Variants in CNEP1R1 observed in about 807,000 individuals in gnomAD.
The protein encoded by CNEP1R1 is nuclear envelope phosphatase-regulatory subunit 1.
A neutral mutation model predicts 22.7 loss-of-function variants in CNEP1R1; 10 were observed. The observed-to-expected ratio is 0.44, with a 90% confidence interval of 0.27 to 0.75. CNEP1R1 has a LOEUF of 0.75. Ranked by LOEUF, CNEP1R1 falls within the 30% of genes least tolerant of loss-of-function variation. CNEP1R1 has a pLI of 0.17. For synonymous variants in CNEP1R1, 53 were observed against 50.1 expected, an observed-to-expected ratio of 1.06 and a Z score of -0.25; for missense variants, 73 against 151.5, an observed-to-expected ratio of 0.48 and a Z score of 2.72.
rs1255444376 is a variant in CNEP1R1, at chr16:50,036,040, T to G, written c.*582T>G. 2 of 152,694 alleles carry G rather than the reference T, an allele frequency of 1.3e-5. No individual in the cohort carries two copies. The highest frequency in any genetic ancestry group is 1.3e-4 in the Admixed American group (2 of 15,270). 9.5% of individuals were successfully genotyped at this position (152,694 alleles called of 1,614,324 possible). A position where few individuals can be genotyped will look rare whatever the true frequency, so the allele number is the denominator to read the frequency against. ...AGATGTTTTGAGAGACACTTTTTGT[T>G]AAACCAGATATTGAACTCCAGCAAC... On this transcript the variant is annotated 3_prime_UTR_variant, in exon 6 of 6. Coordinates refer to ENST00000427478, the MANE Select transcript of CNEP1R1 (RefSeq NM_001281789.2).
chr16:50,026,821 G>A (rs556326098), intron 2 of CNEP1R1: 15 of 186,274 alleles, frequency 8.1e-5, no homozygotes, highest in Non-Finnish European at 1.3e-4. Context: ...CTAAAAATAC[G>A]AAATTAGCCG....
intron 2 of CNEP1R1, among the ~76,000 whole-genome samples, chr16:50,029,503 A>G (rs1410875296): frequency 1.3e-5 from 2 of 152,248 alleles, no homozygotes; most frequent in Non-Finnish European, 2.9e-5. Context: ...AGTTCTGACC[A>G]AATCATAAGA....
chr16:50,033,002 T>C (rs1297582319), intron 3 of CNEP1R1, among the ~76,000 whole-genome samples: 2 of 150,062 alleles, frequency 1.3e-5, no homozygotes, highest in Non-Finnish European at 3.0e-5. Context: ...TGAAACTCTG[T>C]CTCAAAAAAA....
At position 50,030,255 on chromosome 16, in the gene CNEP1R1, C is replaced by G. The variant is rs116235109; in HGVS notation, c.171+457C>G. Reference sequence around the variant, plus strand: ...AGTTCAAGACCAGCCTGGGCAATGTCATATAGCAAGACCCCATCTCTACAA... The same window carrying G: ...AGTTCAAGACCAGCCTGGGCAATGTGATATAGCAAGACCCCATCTCTACAA... On this transcript the variant is annotated intron_variant, in intron 3 of 5. Transcript: ENST00000427478. 3.4e-3 allele frequency among the ~76,000 whole-genome samples: 523 copies of G among 152,098 alleles called. 5 individuals are homozygous for G. Among genetic ancestry groups the G allele is most frequent in the African/African-American group, 0.012 (502 of 41,492 alleles).
intron 5 of CNEP1R1, 109 bp downstream of exon 5, chr16:50,034,265 AT>A: frequency 1.4e-6 from 1 of 693,804 alleles, no homozygotes; most frequent in Non-Finnish European, 2.6e-6. Context: ...TGTGGAATGA[AT>A]AGTGAGAATA....
At chr16:50,029,885 C>A in intron 3 of CNEP1R1, 87 bp downstream of exon 3, 1 of 757,010 alleles carries the variant, frequency 1.3e-6, no homozygotes. Flanking sequence ...TATTCAAACA[C>A]TACCTATTAA....
intron 1 of CNEP1R1, 28 bp downstream of exon 1, chr16:50,025,368 C>T (rs9934704): frequency 7.9e-5 from 114 of 1,434,474 alleles, no homozygotes; most frequent in Admixed American, 1.2e-4. Context: ...GGCCCGTCCC[C>T]CGTCTCCCCT....
chr16:50,029,600 G>A (rs1212981639), intron 2 of CNEP1R1, 125 bp from the exon 3 acceptor site: 1 of 538,636 alleles, frequency 1.9e-6, no homozygotes, highest in Non-Finnish European at 3.4e-6. Context: ...CCTGAGTCTA[G>A]TTAGTGCATT....
chr16:50,026,263 C>A, intron 1 of CNEP1R1, 133 bp from the exon 2 acceptor site: 1 of 635,646 alleles, frequency 1.6e-6, no homozygotes, highest in Non-Finnish European at 2.8e-6. Flanking sequence ...TGCAGTGATA[C>A]ATGGAAGTTA....
chr16:50,035,472 T>C lies in CNEP1R1; in HGVS notation c.*14T>C, dbSNP rs757827144. The stretch of plus-strand genomic sequence containing the variant: ...CATGTTCAATGACAATCTTCACTCA[T>C]TGTTATGGGACTTAAAATAGCCTTT... On this transcript the variant is annotated 3_prime_UTR_variant, in exon 6 of 6. Coordinates refer to ENST00000427478, the MANE Select transcript of CNEP1R1 (RefSeq NM_001281789.2). The C allele has an allele frequency of 1.2e-5, 19 of 1,566,364 alleles. No individual in the cohort carries two copies. Among genetic ancestry groups the C allele is most frequent in the Non-Finnish European group, 1.7e-5 (19 of 1,147,766 alleles).
intron 2 of CNEP1R1, among the ~76,000 whole-genome samples, chr16:50,027,247 C>T (rs930014921): frequency 6.6e-6 from 1 of 152,032 alleles, no homozygotes; most frequent in Non-Finnish European, 1.5e-5. Context: ...CGGTGGCTCA[C>T]GTCTGTAATC....
chr16:50,026,081 TGA>T (rs2036180353), intron 1 of CNEP1R1: 1 of 417,628 alleles, frequency 2.4e-6, no homozygotes, highest in African/African-American at 2.0e-5. Context: ...TTTGCAACCC[TGA>T]AAATGTTCGC....
At chr16:50,032,282 A>C (rs1027347610) in intron 3 of CNEP1R1, among the ~76,000 whole-genome samples, 1 of 152,150 alleles carries the variant, frequency 6.6e-6, no homozygotes, top group Non-Finnish European at 1.5e-5. Context: ...TCTCCAGTCA[A>C]CGTTTCCATT....
Position 50,030,080 on chromosome 16 carries a change from T to TA in CNEP1R1, c.171+283dup, listed in dbSNP as rs2036218778. ...GAATTTATCATTTTTACATTTTTTTTATATCTCTCATTTTTACTTCAGTGT... is the reference window on the plus strand; with the variant it reads ...GAATTTATCATTTTTACATTTTTTTTAATATCTCTCATTTTTACTTCAGTGT... On this transcript the variant is annotated intron_variant, in intron 3 of 5. Transcript: ENST00000427478. 2.6e-5 allele frequency among the ~76,000 whole-genome samples: 4 copies of TA among 152,316 alleles called. No homozygotes were observed. In the South Asian group the frequency reaches 8.3e-4, roughly 32 times the overall value.
intron 4 of CNEP1R1, among the ~76,000 whole-genome samples, chr16:50,033,791 G>A (rs1263035377): frequency 2.7e-5 from 4 of 150,852 alleles, no homozygotes; most frequent in Non-Finnish European, 4.4e-5. Context: ...TTGAACCCGG[G>A]AGGCAGAGGT....
chr16:50,032,177 TG>T, intron 3 of CNEP1R1, among the ~76,000 whole-genome samples: 2 of 152,140 alleles, frequency 1.3e-5, no homozygotes, highest in East Asian at 3.9e-4. Context: ...GAGAGTGGAG[TG>T]GGGATGTGCT....
At chr16:50,025,719 G>C in intron 1 of CNEP1R1, 1 of 1,611,598 alleles carries the variant, frequency 6.2e-7, no homozygotes, top group Non-Finnish European at 8.5e-7. Flanking sequence ...AGTGCTGCTC[G>C]GTGTTTTAAA....
intron 4 of CNEP1R1, among the ~76,000 whole-genome samples, chr16:50,033,880 G>A (rs895621096): frequency 1.4e-5 from 2 of 143,420 alleles, no homozygotes; most frequent in Non-Finnish European, 3.0e-5. Flanking sequence ...AAAAAAAAGA[G>A]TACGCTTTGT....
intron 1 of CNEP1R1, chr16:50,025,551 C>T: frequency 8.1e-7 from 1 of 1,238,666 alleles, no homozygotes; most frequent in Non-Finnish European, 1.2e-6. Context: ...CCTAGAGGGT[C>T]GACCTCCTCG....
Sources: allele counts gnomAD v4.1 joint callset (sites outside exome capture counted in the v4.1 genomes callset), GRCh38; gene constraint gnomAD v4.1.1; transcripts MANE v1.5; gene names NCBI Gene and HGNC (gene_info 2026-07-23, HGNC 2026-07-21).